Variants in COQ7 observed in about 807,000 individuals in gnomAD.
COQ7 encodes the protein NADPH-dependent 3-demethoxyubiquinone 3-hydroxylase, mitochondrial.
A neutral mutation model predicts 25.0 loss-of-function variants in COQ7; 21 were observed. The ratio of observed to expected loss-of-function variants is 0.84; its 90% CI spans 0.60 to 1.21. COQ7 has a LOEUF of 1.21. Ranked by LOEUF, COQ7 falls within the 50% of genes most tolerant of loss-of-function variation. The probability of loss-of-function intolerance (pLI) is 0.00; values close to 1 mark genes in which losing one functional copy is unlikely to be tolerated. For missense variants in COQ7, 311 were observed against 296.2 expected (o/e 1.05, Z -0.37); for synonymous variants, 125 against 112.4 (o/e 1.11, Z -0.71).
chr16:19,081,583 T>A (rs182562059), downstream of COQ7, among the ~76,000 whole-genome samples: 208 of 152,336 alleles, frequency 1.4e-3, no homozygotes, highest in African/African-American at 4.8e-3. Flanking sequence ...GGGCTTGACT[T>A]TAAAAAGTCT....
In COQ7 at chr16:19,071,920, C is replaced by G. The variant is rs961186491; in HGVS notation, c.74-8C>G. The G allele has an allele frequency of 1.2e-6, 2 of 1,614,120 alleles. No homozygotes were observed. The highest frequency in any genetic ancestry group is 1.7e-6 in the Non-Finnish European group (2 of 1,179,956). On this transcript the variant is annotated splice_region_variant and splice_polypyrimidine_tract_variant and intron_variant, in intron 1 of 5. Transcript: ENST00000321998. ...GATCATAACGAAGAATAAACACTTG[C>G]ATTTCAGCTTATGGAAGAAGAACCA...
rs1383551592 is a variant in COQ7, at chr16:19,077,602, T to TTTTTTTTTTTTTTTTTTC, written c.576+230_576+231insTTTTTTTTTTTTTTTCTT. ...TTTTCCCCAGAAGCTTTTTTTTTTT[T>TTTTTTTTTTTTTTTTTTC]TTCCCAGACACAGTCTCACTCTGTC... On this transcript the variant is annotated intron_variant, in intron 5 of 5. Transcript: ENST00000321998. Among the ~76,000 whole-genome samples the TTTTTTTTTTTTTTTTTTC allele has an allele frequency of 6.4e-3, 894 of 140,184 alleles. 37 individuals are homozygous for TTTTTTTTTTTTTTTTTTC. The highest frequency in any genetic ancestry group is 0.012 in the Non-Finnish European group (734 of 63,752). 92.0% of individuals were successfully genotyped at this position (140,184 alleles called of 152,430 possible).
In COQ7 at chr16:19,073,988, G is replaced by A. The variant is rs777506397; in HGVS notation, c.320G>A (p.Arg107Gln). The change falls in exon 3 of 6, where the codon CGG (arginine) becomes CAG (glutamine). Residue 107 changes from arginine to glutamine, a missense_variant. By Grantham distance (43) the Arg-to-Gln change is conservative. Transcript: ENST00000321998. ...GAGTTGATGGTTACGTTCAGGGTCCGGCCAACAGTTCTGATGCCCTTGTGG... is the reference window on the plus strand; with the variant it reads ...GAGTTGATGGTTACGTTCAGGGTCCAGCCAACAGTTCTGATGCCCTTGTGG... ...FNELMVTFRV[R>Q]PTVLMPLWNV... 31 of 1,613,550 alleles carry A rather than the reference G, an allele frequency of 1.9e-5. No individual in the cohort carries two copies. The highest frequency in any genetic ancestry group is 1.6e-4 in the Middle Eastern group (1 of 6,084).
chr16:19,077,159 C>T (rs1962890384), intron 4 of COQ7, 147 bp from the exon 5 acceptor site: 1 of 631,946 alleles, frequency 1.6e-6, no homozygotes, highest in Non-Finnish European at 2.8e-6. Context: ...TGGGTAGTTG[C>T]AACAAAGTAT....
At chr16:19,082,241 G>T (rs1963111496), downstream of COQ7, among the ~76,000 whole-genome samples, 1 of 152,208 alleles carries the variant, frequency 6.6e-6, no homozygotes, top group African/African-American at 2.4e-5. Context: ...CAGAGTTTCA[G>T]TATGGGAAGA....
intron 1 of COQ7, 99 bp downstream of exon 1, chr16:19,067,836 T>C (rs201665338): frequency 2.6e-6 from 4 of 1,530,852 alleles, no homozygotes; most frequent in African/African-American, 1.4e-5. Context: ...GAGAGGTTCG[T>C]AACGTCACAG....
chr16:19,067,918 G>C (rs915336837), intron 1 of COQ7, 181 bp downstream of exon 1: 1 of 1,478,074 alleles, frequency 6.8e-7, no homozygotes, highest in African/African-American at 1.4e-5. Context: ...TCTGTAGTTA[G>C]CGGCGAGAGT....
In COQ7 at chr16:19,074,095, C is replaced by A. The variant is rs550203351; in HGVS notation, c.367+60C>A. On this transcript the variant is annotated intron_variant, in intron 3 of 5. Coordinates refer to ENST00000321998, the MANE Select transcript of COQ7 (RefSeq NM_016138.5). Reference sequence around the variant, plus strand: ...GGGGATCTAGGATGATTAAATCCTTCAGGTATCATGTTCACAATTCTTGCT... The same window carrying A: ...GGGGATCTAGGATGATTAAATCCTTAAGGTATCATGTTCACAATTCTTGCT... The A allele has an allele frequency of 1.3e-5, 16 of 1,237,004 alleles. No homozygotes were observed. In the East Asian group the frequency reaches 3.9e-4, roughly 30 times the overall value. The allele number at this position is 1,237,004 out of a possible 1,614,324, so 76.6% of individuals were successfully genotyped here.
At chr16:19,070,109 C>A (rs1962478952) in intron 1 of COQ7, among the ~76,000 whole-genome samples, 1 of 152,078 alleles carries the variant, frequency 6.6e-6, no homozygotes, top group African/African-American at 2.4e-5. Flanking sequence ...GTCAGATATG[C>A]TCAGTGAGAT....
rs767741019 is a variant in COQ7, at chr16:19,073,929, G to C, written c.261G>C (p.Trp87Cys). ...TTTTATGTTTCTTGCAGAAAATGTG[G>C]GATCAAGAAAAGGACCATTTGAAAA... The part of the protein sequence containing the change: ...TSVGPVIQKM[W>C]DQEKDHLKKF... The change falls in exon 3 of 6, where the codon TGG becomes TGC. Residue 87 changes from tryptophan (W) to cysteine (C), a missense_variant. By Grantham distance (215) the Trp-to-Cys change is radical (BLOSUM62 -2). Transcript: ENST00000321998. 1.2e-6 allele frequency: 2 copies of C among 1,612,686 alleles called. No individual in the cohort carries two copies. The highest frequency in any genetic ancestry group is 1.7e-6 in the Non-Finnish European group (2 of 1,178,912).
intron 1 of COQ7, among the ~76,000 whole-genome samples, chr16:19,069,167 T>C (rs1962415509): frequency 6.6e-6 from 1 of 152,170 alleles, no homozygotes; most frequent in African/African-American, 2.4e-5. Context: ...AGTGATGCAT[T>C]TGAGAGCTAG....
chr16:19,072,713 C>T (rs1010678479), intron 2 of COQ7, among the ~76,000 whole-genome samples: 15 of 152,220 alleles, frequency 9.9e-5, no homozygotes, highest in African/African-American at 3.6e-4. Context: ...CCTCTCTGTG[C>T]TTCAGTTTGT....
At chr16:19,073,885 A>G in intron 2 of COQ7, 36 bp from the exon 3 acceptor site, 1 of 1,533,750 alleles carries the variant, frequency 6.5e-7, no homozygotes, top group Non-Finnish European at 9.0e-7. Context: ...GCCTCTATGG[A>G]ATGCTTGCAT....
chr16:19,080,197 A>G (rs1043831608), downstream of COQ7: 7 of 152,228 alleles, frequency 4.6e-5, no homozygotes, highest in Non-Finnish European at 7.3e-5. Context: ...AGATTTATCT[A>G]TAAGGTATTA....
At chr16:19,081,962 C>T (rs1407876023), downstream of COQ7, among the ~76,000 whole-genome samples, 1 of 151,774 alleles carries the variant, frequency 6.6e-6, no homozygotes, top group Non-Finnish European at 1.5e-5. Flanking sequence ...CGGAGGTTGC[C>T]GTGAGTTGAG....
chr16:19,072,149 G>A (rs767837427), intron 2 of COQ7, 43 bp downstream of exon 2: 1 of 1,609,750 alleles, frequency 6.2e-7, no homozygotes, highest in Non-Finnish European at 8.5e-7. Context: ...TACTGAATGG[G>A]CAGATCCAAA....
At chr16:19,080,880 CT>C (rs1963086324), downstream of COQ7, among the ~76,000 whole-genome samples, 1 of 152,090 alleles carries the variant, frequency 6.6e-6, no homozygotes, top group East Asian at 1.9e-4. Context: ...TTTTGATCCT[CT>C]TCAAAAGGTG....
intron 2 of COQ7, among the ~76,000 whole-genome samples, chr16:19,073,170 A>G (rs1437552051): frequency 6.6e-6 from 1 of 152,070 alleles, no homozygotes; most frequent in Non-Finnish European, 1.5e-5. Context: ...TCAGCCAGGC[A>G]TGGTGGTGCA....
Position 19,071,960 on chromosome 16 carries a change from A to T in COQ7, c.106A>T (p.Ser36Cys). Residue 36 changes from serine to cysteine, a missense_variant, in exon 2 of 6, where the codon AGT becomes TGT. Physicochemically the swap from Ser to Cys is moderately radical, Grantham distance 112 (BLOSUM62 -1). Transcript: ENST00000321998. ...YGRRTSVRFR[S>C]SGMTLDNISR... ...AAGAAGAACCAGTGTCAGATTTCGC[A>T]GTTCAGGAATGACTTTAGACAATAT... 4.3e-6 allele frequency: 7 copies of T among 1,614,250 alleles called. No individual in the cohort carries two copies. Among genetic ancestry groups the T allele is most frequent in the Non-Finnish European group, 5.9e-6 (7 of 1,180,048 alleles).
Sources: allele counts gnomAD v4.1 joint callset (sites outside exome capture counted in the v4.1 genomes callset), GRCh38; gene constraint gnomAD v4.1.1; transcripts MANE v1.5; gene names NCBI Gene and HGNC (gene_info 2026-07-23, HGNC 2026-07-21).